Variants in MYOZ3 observed in about 807,000 individuals in gnomAD.
MYOZ3 encodes myozenin-3.
A neutral mutation model predicts 26.5 loss-of-function variants in MYOZ3; 19 were observed. The observed-to-expected ratio is 0.72, with a 90% CI of 0.50 to 1.05. MYOZ3 has a LOEUF of 1.05. MYOZ3 is among the 50% of genes least tolerant of loss of function. The pLI, the probability that MYOZ3 is intolerant of heterozygous loss-of-function variation, is 0.00. For synonymous variants in MYOZ3, 135 were observed against 138.8 expected (o/e 0.97, Z 0.19); for missense variants, 322 against 337.1 (o/e 0.96, Z 0.35).
intron 2 of MYOZ3, among the ~76,000 whole-genome samples, chr5:150,664,434 C>T (rs528168882): frequency 7.2e-5 from 11 of 152,152 alleles, no homozygotes; most frequent in African/African-American, 2.7e-4. Flanking sequence ...TTGATTATTG[C>T]TAAGGTACTG....
At chr5:150,673,143 G>A (rs73276178) in intron 6 of MYOZ3, 13,140 of 152,356 alleles carry the variant, frequency 0.086, 1,789 homozygotes, top group African/African-American at 0.28. Flanking sequence ...ACGTGGACTT[G>A]AATGCAGACC....
intron 6 of MYOZ3, chr5:150,673,235 A>C (rs1202530190): frequency 6.6e-6 from 1 of 152,300 alleles, no homozygotes; most frequent in Non-Finnish European, 1.5e-5. Flanking sequence ...TGAGGGGTTT[A>C]TAGTACCTGC....
chr5:150,674,501 T>C (rs1001896669), intron 6 of MYOZ3, among the ~76,000 whole-genome samples: 2 of 152,338 alleles, frequency 1.3e-5, no homozygotes, highest in Admixed American at 1.3e-4. Flanking sequence ...ACTGTGGGCC[T>C]TGCATGGCTT....
At chr5:150,666,819 G>T (rs1758819043) in intron 2 of MYOZ3, among the ~76,000 whole-genome samples, 1 of 151,104 alleles carries the variant, frequency 6.6e-6, no homozygotes. Context: ...GGAGCACAGT[G>T]ACATGATCTC....
chr5:150,661,652 G>A (rs1758733945), intron 1 of MYOZ3, among the ~76,000 whole-genome samples: 1 of 152,196 alleles, frequency 6.6e-6, no homozygotes, highest in African/African-American at 2.4e-5. Context: ...GTGGGGAATA[G>A]GTAATGGCTC....
At chr5:150,676,543 CAA>C (rs749959393) in intron 6 of MYOZ3, among the ~76,000 whole-genome samples, 162 bp from the exon 7 acceptor site, 16 of 57,950 alleles carry the variant, frequency 2.8e-4, no homozygotes, top group Admixed American at 5.5e-4. Flanking sequence ...GACTCTGTCT[CAA>C]AAAAAAAAAA....
intron 3 of MYOZ3, 91 bp from the exon 4 acceptor site, chr5:150,671,506 T>A: frequency 7.2e-7 from 1 of 1,385,502 alleles, no homozygotes; most frequent in Non-Finnish European, 1.0e-6. Flanking sequence ...GATTCTTGCC[T>A]CCCCCCGACC....
In MYOZ3 at chr5:150,676,814, C is replaced by G; in HGVS notation, c.695C>G (p.Pro232Arg). 1 of 1,613,892 alleles carries G rather than the reference C, an allele frequency of 6.2e-7. No individual in the cohort carries two copies. Among genetic ancestry groups the G allele is most frequent in the Middle Eastern group, 1.6e-4 (1 of 6,062 alleles). Residue 232 changes from proline (P) to arginine (R), a missense_variant, in exon 7 of 7, where the codon CCC becomes CGC. Physicochemically the swap from Pro to Arg is moderately radical, Grantham distance 103. Transcript: ENST00000517768. Reference protein sequence around the residue: ...LSGLELLRLRPSFNRVAQGWV... With the variant: ...LSGLELLRLRRSFNRVAQGWV... ...GGCTTGGAACTCCTCCGTCTCAGAC[C>G]CAGCTTCAACAGAGTGGCCCAGGGC...
At chr5:150,672,827 A>C in intron 6 of MYOZ3, 5 of 285,676 alleles carry the variant, frequency 1.8e-5, no homozygotes, top group East Asian at 1.4e-4. Flanking sequence ...GCCACAAAAC[A>C]AGGAAGCACC....
intron 1 of MYOZ3, among the ~76,000 whole-genome samples, chr5:150,662,333 C>T (rs1332347546): frequency 3.9e-5 from 6 of 152,044 alleles, no homozygotes; most frequent in East Asian, 1.9e-4. Flanking sequence ...AGAGAAGGGA[C>T]GAGGGAGAAG....
intron 3 of MYOZ3, 169 bp from the exon 4 acceptor site, chr5:150,671,428 G>C (rs1758907359): frequency 4.5e-6 from 3 of 663,686 alleles, no homozygotes; most frequent in East Asian, 2.7e-5. Flanking sequence ...AGTATTTCTC[G>C]GTCCCAGGCA....
intron 6 of MYOZ3, among the ~76,000 whole-genome samples, chr5:150,674,306 AT>A (rs1427232652): frequency 6.6e-6 from 1 of 152,172 alleles, no homozygotes; most frequent in African/African-American, 2.4e-5. Flanking sequence ...TCTCCCACTG[AT>A]CTCATGCCTC....
Position 150,672,439 on chromosome 5 carries a change from G to C in MYOZ3, c.524G>C (p.Arg175Pro). The C allele has an allele frequency of 1.9e-6, 3 of 1,612,390 alleles. No individual in the cohort carries two copies. Among genetic ancestry groups the C allele is most frequent in the East Asian group, 2.2e-5 (1 of 44,854 alleles). ...RCPWQEFVSYRDYQSDGRSHT... is the reference protein window; with the variant it reads ...RCPWQEFVSYPDYQSDGRSHT... ...CCTTGGCAGGAGTTCGTCAGCTACC[G>C]GGACTACCAGAGCGATGGCCGAAGT... Residue 175 changes from arginine (R) to proline (P), a missense_variant, in exon 6 of 7, where the codon CGG becomes CCG. By Grantham distance (103) the Arg-to-Pro change is moderately radical. Transcript: ENST00000517768.
At chr5:150,670,691 CTGGT>C (rs1293106479) in intron 3 of MYOZ3, 53 bp downstream of exon 3, 1 of 1,537,818 alleles carries the variant, frequency 6.5e-7, no homozygotes, top group Non-Finnish European at 8.8e-7. Flanking sequence ...CAGAGAGCCA[CTGGT>C]TAGCCTAAAG....
chr5:150,661,007 C>T (rs549618369), upstream of MYOZ3: 1 of 152,482 alleles, frequency 6.6e-6, no homozygotes, highest in African/African-American at 2.4e-5. Context: ...TCCTATCAAG[C>T]ACCATTCTTG....
intron 6 of MYOZ3, among the ~76,000 whole-genome samples, chr5:150,676,495 G>C (rs1759008234): frequency 7.1e-6 from 1 of 141,600 alleles, no homozygotes; most frequent in African/African-American, 2.8e-5. Context: ...AGTGAGCTGA[G>C]ATCACCCCAC....
chr5:150,666,101 C>G (rs933098194), intron 2 of MYOZ3, among the ~76,000 whole-genome samples: 9 of 149,578 alleles, frequency 6.0e-5, no homozygotes, highest in African/African-American at 9.9e-5. Flanking sequence ...GAATATGATA[C>G]TGAGGGTGCT....
chr5:150,663,903 G>A (rs1007578911), intron 2 of MYOZ3, among the ~76,000 whole-genome samples: 2 of 151,752 alleles, frequency 1.3e-5, no homozygotes, highest in Admixed American at 1.3e-4. Flanking sequence ...TGAGGCAAGA[G>A]GATCGTTTGA....
chr5:150,675,300 A>G (rs1049724561), intron 6 of MYOZ3, among the ~76,000 whole-genome samples: 15 of 151,714 alleles, frequency 9.9e-5, no homozygotes, highest in African/African-American at 3.6e-4. Flanking sequence ...ACTCAACATT[A>G]CGCTTTCGAA....
Sources: gnomAD v4.1 joint callset for allele counts (sites outside exome capture counted in the v4.1 genomes callset) on GRCh38, gnomAD v4.1.1 for gene constraint, MANE v1.5 for transcripts, NCBI Gene and HGNC (gene_info 2026-07-23, HGNC 2026-07-21) for gene names.